The following SHISA6 variants were observed in gnomAD, a reference collection of about 807,000 sequenced individuals.
SHISA6 encodes the protein protein shisa-6.
Under a neutral mutation model 47.9 loss-of-function variants are expected in SHISA6, and 22 were observed. The ratio of observed to expected loss-of-function variants is 0.46; its 90% CI spans 0.33 to 0.66. The LOEUF is 0.66. SHISA6 is among the 30% of genes least tolerant of loss of function. SHISA6 has a pLI of 0.02. For synonymous variants in SHISA6, 388 were observed against 337.8 expected, an observed-to-expected ratio of 1.15 and a Z score of -1.63; for missense variants, 680 against 764.6, an observed-to-expected ratio of 0.89 and a Z score of 1.30.
chr17:11,498,223 T>C (rs2071423978), intron 3 of SHISA6, among the ~76,000 whole-genome samples: 1 of 152,182 alleles, frequency 6.6e-6, no homozygotes, highest in Admixed American at 6.5e-5. Flanking sequence ...AAGTCCTTTG[T>C]AGAGTGTTCA....
chr17:11,380,570 A>C (rs1912975695), intron 3 of SHISA6: 1 of 152,186 alleles, frequency 6.6e-6, no homozygotes. Flanking sequence ...ATTCTGGGCC[A>C]TAGTCTATTA....
At chr17:11,426,314 C>G (rs1256073833) in intron 3 of SHISA6, among the ~76,000 whole-genome samples, 2 of 152,166 alleles carry the variant, frequency 1.3e-5, no homozygotes, top group South Asian at 2.1e-4. Flanking sequence ...TAGGCAGGAG[C>G]TTATGTAGCT....
At chr17:11,305,919 T>A (rs1567567112) in intron 2 of SHISA6, among the ~76,000 whole-genome samples, 2 of 152,142 alleles carry the variant, frequency 1.3e-5, no homozygotes, top group Non-Finnish European at 2.9e-5. Context: ...AGGCATTATT[T>A]GTGGGCAGTT....
intron 3 of SHISA6, among the ~76,000 whole-genome samples, chr17:11,493,930 GTTCT>G (rs925811214): frequency 7.3e-5 from 11 of 149,776 alleles, no homozygotes; most frequent in South Asian, 4.2e-4. Flanking sequence ...TTTTTGACTT[GTTCT>G]TTCTTTATAC....
At chr17:11,314,810 G>C (rs1262055495) in intron 2 of SHISA6, among the ~76,000 whole-genome samples, 2 of 152,126 alleles carry the variant, frequency 1.3e-5, no homozygotes, top group African/African-American at 4.8e-5. Flanking sequence ...AAAGTGCTGA[G>C]ACTACAGGGG....
Position 11,295,501 on chromosome 17 carries a change from A to C in SHISA6, c.799+31975A>C, listed in dbSNP as rs377189050. On this transcript the variant is annotated intron_variant, in intron 2 of 5. Coordinates refer to ENST00000441885, the MANE Select transcript of SHISA6 (RefSeq NM_207386.4). ...AATACAAATTATTGTAAGCTCTATAAAGGAAATAAAGGTGACACAATAAAT... is the reference window on the plus strand; with the variant it reads ...AATACAAATTATTGTAAGCTCTATACAGGAAATAAAGGTGACACAATAAAT... Among the ~76,000 whole-genome samples, 27 of 152,336 alleles carry C rather than the reference A, an allele frequency of 1.8e-4. No individual in the cohort carries two copies. The East Asian group carries it at 2.3e-3, about 13-fold the overall frequency.
At chr17:11,261,896 G>C (rs539504914) in intron 1 of SHISA6, among the ~76,000 whole-genome samples, 4 of 152,310 alleles carry the variant, frequency 2.6e-5, no homozygotes, top group Admixed American at 1.3e-4. Flanking sequence ...CTGCTAAACT[G>C]TTTACCAAAG....
intron 3 of SHISA6, among the ~76,000 whole-genome samples, chr17:11,412,698 T>A (rs555071968): frequency 6.6e-6 from 1 of 151,990 alleles, no homozygotes; most frequent in Non-Finnish European, 1.5e-5. Context: ...CCGGCCACCG[T>A]GCCGGGCTAA....
chr17:11,328,022 A>G (rs1378182954), intron 2 of SHISA6, among the ~76,000 whole-genome samples: 1 of 152,184 alleles, frequency 6.6e-6, no homozygotes. Flanking sequence ...ATAAATACAA[A>G]TTCATTCACT....
chr17:11,341,657 A>T (rs1597466251), intron 2 of SHISA6, among the ~76,000 whole-genome samples: 1 of 152,118 alleles, frequency 6.6e-6, no homozygotes, highest in South Asian at 2.1e-4. Flanking sequence ...TCTAAGTGAG[A>T]GAAGAGAGGC....
At chr17:11,248,219 C>CT (rs1907664239) in intron 1 of SHISA6, among the ~76,000 whole-genome samples, 1 of 152,180 alleles carries the variant, frequency 6.6e-6, no homozygotes, top group Non-Finnish European at 1.5e-5. Flanking sequence ...ATTGCTAACT[C>CT]TATTTTTTTT....
intron 2 of SHISA6, among the ~76,000 whole-genome samples, chr17:11,268,182 C>T (rs1331182003): frequency 6.6e-6 from 1 of 152,112 alleles, no homozygotes; most frequent in Non-Finnish European, 1.5e-5. Context: ...TATTCATGCC[C>T]ATCTACATAC....
In SHISA6 at chr17:11,388,814, A is replaced by T. The variant is rs935606520; in HGVS notation, c.895+9305A>T. Among the ~76,000 whole-genome samples the T allele has an allele frequency of 1.5e-4, 15 of 98,942 alleles. 1 individual carries two copies. Among genetic ancestry groups the T allele is most frequent in the African/African-American group, 4.7e-4 (11 of 23,368 alleles). The allele number at this position is 98,942 out of a possible 152,430, so 64.9% of individuals were successfully genotyped here. The stretch of plus-strand genomic sequence containing the variant: ...TTTATATATATATATATATATATAT[A>T]TATATATATATATATATATATATAT... On this transcript the variant is annotated intron_variant, in intron 3 of 5. Coordinates refer to ENST00000441885, the MANE Select transcript of SHISA6 (RefSeq NM_207386.4).
At chr17:11,453,421 C>T (rs2969240) in intron 3 of SHISA6, among the ~76,000 whole-genome samples, 86,791 of 151,914 alleles carry the variant, frequency 0.57, 26,638 homozygotes, top group African/African-American at 0.81. Flanking sequence ...AGACCCTCAG[C>T]GGGACAGTGC....
At chr17:11,445,767 G>A (rs1048157262) in intron 3 of SHISA6, among the ~76,000 whole-genome samples, 7 of 152,174 alleles carry the variant, frequency 4.6e-5, no homozygotes, top group African/African-American at 9.7e-5. Context: ...CTGGAAGCCC[G>A]GGGGCCGGGA....
intron 3 of SHISA6, among the ~76,000 whole-genome samples, chr17:11,496,283 C>T (rs904441543): frequency 6.6e-6 from 1 of 152,228 alleles, no homozygotes; most frequent in Non-Finnish European, 1.5e-5. Context: ...TTCTTTAACA[C>T]CCTTCCATCC....
chr17:11,288,038 C>G (rs1327965062), intron 2 of SHISA6, among the ~76,000 whole-genome samples: 1 of 152,182 alleles, frequency 6.6e-6, no homozygotes, highest in Non-Finnish European at 1.5e-5. Flanking sequence ...CCCAATCATA[C>G]ACACATCACT....
intron 3 of SHISA6, among the ~76,000 whole-genome samples, chr17:11,381,074 G>A (rs552911503): frequency 2.0e-5 from 3 of 152,272 alleles, no homozygotes; most frequent in South Asian, 2.1e-4. Flanking sequence ...ATCAGGAGCC[G>A]AGGATTGTTG....
rs779076301 is a variant in SHISA6, at chr17:11,558,076, G to C, written c.1428G>C (p.Ser476=). 4 of 1,551,598 alleles carry C rather than the reference G, an allele frequency of 2.6e-6. No individual in the cohort carries two copies. Residue 476 remains serine (S), a synonymous_variant, in exon 6 of 6, where the codon TCG becomes TCC. Transcript: ENST00000441885. ...AGCAGTCGCTGTCCAGGGCCATCTC[G>C]CACACGGACGTCTTTGTGTCCACAC... The part of the protein sequence containing the change: ...FPEQSLSRAI[S]HTDVFVSTPV...
Sources: allele counts gnomAD v4.1 joint callset (sites outside exome capture counted in the v4.1 genomes callset), GRCh38; gene constraint gnomAD v4.1.1; transcripts MANE v1.5; gene names NCBI Gene and HGNC (gene_info 2026-07-23, HGNC 2026-07-21).